The following SNX29 variants were observed in gnomAD, a reference collection of about 807,000 sequenced individuals.
SNX29 encodes the protein sorting nexin 29, also known as sorting nexin-29.
A neutral mutation model predicts 102.1 loss-of-function variants in SNX29; 78 were observed. The observed-to-expected ratio is 0.76, with a 90% CI of 0.64 to 0.92. SNX29 has a LOEUF of 0.92. Among genes scored for constraint, SNX29 ranks in the 40% least tolerant of loss-of-function variants. SNX29 has a pLI of 0.00. For missense variants in SNX29, 1,280 were observed against 1,061.7 expected, an observed-to-expected ratio of 1.21 and a Z score of -2.86; for synonymous variants, 580 against 414.5, an observed-to-expected ratio of 1.40 and a Z score of -4.85.
chr16:12,493,869 G>C (rs950342677), intron 19 of SNX29, among the ~76,000 whole-genome samples: 3 of 152,216 alleles, frequency 2.0e-5, no homozygotes, highest in African/African-American at 7.2e-5. Flanking sequence ...TGGGGTTACA[G>C]GCGTGAGCCA....
chr16:12,279,087 TTGG>T (rs1247996101), intron 15 of SNX29, among the ~76,000 whole-genome samples: 2 of 152,206 alleles, frequency 1.3e-5, no homozygotes, highest in African/African-American at 2.4e-5. Flanking sequence ...TAATGGTCCC[TTGG>T]TGGTAGTATT....
At chr16:12,294,871 A>G (rs2151075912) in intron 15 of SNX29, among the ~76,000 whole-genome samples, 1 of 152,128 alleles carries the variant, frequency 6.6e-6, no homozygotes, top group South Asian at 2.1e-4. Context: ...TGATAAAGAC[A>G]TATCTGAGAC....
At chr16:12,211,782 TTTC>T (rs1260557073) in intron 14 of SNX29, among the ~76,000 whole-genome samples, 1 of 152,318 alleles carries the variant, frequency 6.6e-6, no homozygotes, top group East Asian at 1.9e-4. Flanking sequence ...TTGTTTGTTT[TTTC>T]TTCTTAAAGC....
intron 19 of SNX29, among the ~76,000 whole-genome samples, chr16:12,481,395 TACAC>T (rs149352429): frequency 0.088 from 13,236 of 149,768 alleles, 865 homozygotes; most frequent in African/African-American, 0.18. Flanking sequence ...TATATATATA[TACAC>T]ACACACACAC....
At chr16:12,161,789 G>C (rs896778878) in intron 13 of SNX29, among the ~76,000 whole-genome samples, 1 of 151,758 alleles carries the variant, frequency 6.6e-6, no homozygotes, top group African/African-American at 2.4e-5. Context: ...TCTCTTGCCT[G>C]TGGCACGCCA....
intron 17 of SNX29, among the ~76,000 whole-genome samples, chr16:12,402,457 A>G (rs2083983501): frequency 6.6e-6 from 1 of 152,250 alleles, no homozygotes; most frequent in Admixed American, 6.5e-5. Context: ...CTCTAATTAG[A>G]GGCGAAGGCC....
chr16:12,101,775 A>G (rs2141205199), intron 11 of SNX29, among the ~76,000 whole-genome samples: 1 of 152,274 alleles, frequency 6.6e-6, no homozygotes, highest in East Asian at 1.9e-4. Context: ...TATCTTTTTA[A>G]TTTAAATATA....
At chr16:12,204,218 A>G (rs960569071) in intron 14 of SNX29, among the ~76,000 whole-genome samples, 1 of 152,176 alleles carries the variant, frequency 6.6e-6, no homozygotes, top group African/African-American at 2.4e-5. Flanking sequence ...GCCTGGCGTG[A>G]CAGTCCTACC....
At chr16:12,475,820 C>T (rs1223833135) in intron 18 of SNX29, among the ~76,000 whole-genome samples, 1 of 152,176 alleles carries the variant, frequency 6.6e-6, no homozygotes, top group East Asian at 1.9e-4. Context: ...CAATTACCAG[C>T]CTAAGTGAGG....
At chr16:12,295,960 T>C (rs1414256385) in intron 15 of SNX29, among the ~76,000 whole-genome samples, 1 of 152,260 alleles carries the variant, frequency 6.6e-6, no homozygotes, top group Non-Finnish European at 1.5e-5. Context: ...ACAGTTCTTC[T>C]CCTCAAAATG....
intron 11 of SNX29, among the ~76,000 whole-genome samples, chr16:12,097,781 C>T (rs1366123761): frequency 6.6e-6 from 1 of 152,178 alleles, no homozygotes; most frequent in Non-Finnish European, 1.5e-5. Context: ...CAAAATGGGC[C>T]TCTCGCTCAG....
At chr16:12,327,151 CT>C (rs1285270326) in intron 15 of SNX29, among the ~76,000 whole-genome samples, 5 of 152,156 alleles carry the variant, frequency 3.3e-5, no homozygotes, top group African/African-American at 9.7e-5. Context: ...AACAGTCCCC[CT>C]GGCTTAATTT....
chr16:12,189,004 G>C (rs2076579512), intron 13 of SNX29, among the ~76,000 whole-genome samples: 8 of 152,230 alleles, frequency 5.3e-5, no homozygotes. Flanking sequence ...ATGGCAGGGA[G>C]TGGCTCCCAG....
chr16:12,545,757 G>A (rs1049527040), intron 20 of SNX29, among the ~76,000 whole-genome samples: 1 of 152,114 alleles, frequency 6.6e-6, no homozygotes, highest in Non-Finnish European at 1.5e-5. Context: ...ACCTGAGATG[G>A]AGAGGCAGCT....
intron 8 of SNX29, among the ~76,000 whole-genome samples, chr16:12,058,769 C>T (rs1172473683): frequency 1.4e-5 from 2 of 146,662 alleles, no homozygotes; most frequent in African/African-American, 5.0e-5. Context: ...GTTGGGATTA[C>T]AGGTGTGAGC....
chr16:12,210,752 C>T (rs1327672278), intron 14 of SNX29, among the ~76,000 whole-genome samples: 1 of 152,058 alleles, frequency 6.6e-6, no homozygotes, highest in Non-Finnish European at 1.5e-5. Context: ...TCCCTCCCTA[C>T]CTCCTCTTTT....
At chr16:12,492,249 G>A (rs1178339471) in intron 19 of SNX29, among the ~76,000 whole-genome samples, 1 of 152,196 alleles carries the variant, frequency 6.6e-6, no homozygotes, top group Non-Finnish European at 1.5e-5. Flanking sequence ...GTATCTCATT[G>A]TGGTTTTGAT....
At chr16:12,168,894 C>T (rs879534850) in intron 13 of SNX29, among the ~76,000 whole-genome samples, 9 of 152,248 alleles carry the variant, frequency 5.9e-5, no homozygotes, top group Admixed American at 3.3e-4. Flanking sequence ...CCAGATCATC[C>T]GGAGAGAGGG....
At chr16:12,051,650 A>G (rs2050308022) in intron 7 of SNX29, among the ~76,000 whole-genome samples, 197 bp from the exon 8 acceptor site, 1 of 152,232 alleles carries the variant, frequency 6.6e-6, no homozygotes, top group African/African-American at 2.4e-5. Flanking sequence ...TTTAAATCAG[A>G]GGCAGAGGCC....
Sources: gnomAD v4.1 joint callset for allele counts (sites outside exome capture counted in the v4.1 genomes callset) on GRCh38, gnomAD v4.1.1 for gene constraint, MANE v1.5 for transcripts, NCBI Gene and HGNC (gene_info 2026-07-23, HGNC 2026-07-21) for gene names.